The following CSTPP1 variants were observed in gnomAD, a reference collection of about 807,000 sequenced individuals.
The protein encoded by CSTPP1 is UPF0705 protein C11orf49.
At chr11:47,042,220 TAAAG>T in the CSTPP1 span, among the ~76,000 whole-genome samples, 3 of 151,110 alleles carry the variant, frequency 2.0e-5, no homozygotes, top group Non-Finnish European at 2.9e-5. Flanking sequence ...AAAAATAAAA[TAAAG>T]AAAGAGAGGA....
At chr11:47,005,396 A>C in the CSTPP1 span, among the ~76,000 whole-genome samples, 1 of 152,212 alleles carries the variant, frequency 6.6e-6, no homozygotes, top group Non-Finnish European at 1.5e-5. Flanking sequence ...TGTAAGATGT[A>C]ATCTGGTTAA....
At chr11:46,966,822 C>G in the CSTPP1 span, among the ~76,000 whole-genome samples, 1 of 152,114 alleles carries the variant, frequency 6.6e-6, no homozygotes. Context: ...GTAAGTGAAA[C>G]TGGCTGTATT....
the CSTPP1 span, among the ~76,000 whole-genome samples, chr11:47,106,003 A>C: frequency 3.9e-5 from 6 of 152,170 alleles, no homozygotes; most frequent in Non-Finnish European, 7.3e-5. Flanking sequence ...TTGGGGTCAG[A>C]GGGATTAGGC....
At chr11:46,998,730 T>C in the CSTPP1 span, among the ~76,000 whole-genome samples, 1 of 151,920 alleles carries the variant, frequency 6.6e-6, no homozygotes, top group African/African-American at 2.4e-5. Flanking sequence ...TTCAGTTTTT[T>C]TGTTTTGTTT....
At chr11:47,069,070 T>C in the CSTPP1 span, among the ~76,000 whole-genome samples, 1 of 152,194 alleles carries the variant, frequency 6.6e-6, no homozygotes, top group Non-Finnish European at 1.5e-5. Context: ...ATTTTGTTTT[T>C]CTTATAGACT....
the CSTPP1 span, among the ~76,000 whole-genome samples, chr11:47,089,218 G>A: frequency 1.3e-5 from 2 of 152,100 alleles, no homozygotes; most frequent in Non-Finnish European, 2.9e-5. Context: ...CAAAGGGGTC[G>A]ATTAAGTAAA....
At chr11:47,066,947 G>C in the CSTPP1 span, among the ~76,000 whole-genome samples, 1 of 152,154 alleles carries the variant, frequency 6.6e-6, no homozygotes, top group Admixed American at 6.5e-5. Flanking sequence ...CCAGAAACAT[G>C]CCATAGGAAC....
At chr11:47,161,697 T>C in the CSTPP1 span, 1 of 1,537,256 alleles carries the variant, frequency 6.5e-7, no homozygotes, top group East Asian at 2.3e-5. Flanking sequence ...GCCCTTGGTG[T>C]GCCCACCCAG....
the CSTPP1 span, among the ~76,000 whole-genome samples, chr11:46,938,846 C>T: frequency 5.5e-5 from 8 of 144,248 alleles, no homozygotes; most frequent in East Asian, 2.0e-4. Flanking sequence ...GGCACTATCA[C>T]GGCTCACTGC....
At chr11:47,124,114 CTTTTTTTTTTTTTTTT>C in the CSTPP1 span, among the ~76,000 whole-genome samples, 7 of 63,216 alleles carry the variant, frequency 1.1e-4, no homozygotes, top group African/African-American at 4.5e-4. Flanking sequence ...AATGGTCTTA[CTTTTTTTTTTTTTTTT>C]TTTTTTTTTT....
At chr11:47,046,655 CTTTTCTTTTTTT>C in the CSTPP1 span, among the ~76,000 whole-genome samples, 1 of 91,396 alleles carries the variant, frequency 1.1e-5, no homozygotes, top group Non-Finnish European at 2.3e-5. Flanking sequence ...CTTTTATCTT[CTTTTCTTTTTTT>C]TTTTTTTTTT....
the CSTPP1 span, among the ~76,000 whole-genome samples, chr11:47,139,505 C>T: frequency 6.6e-6 from 1 of 152,100 alleles, no homozygotes; most frequent in Admixed American, 6.6e-5. Context: ...GAAACCCTGT[C>T]TCTGCTAAAA....
At chr11:46,948,550 G>T in the CSTPP1 span, among the ~76,000 whole-genome samples, 1 of 151,626 alleles carries the variant, frequency 6.6e-6, no homozygotes, top group African/African-American at 2.4e-5. Flanking sequence ...ACCTCTTTTG[G>T]ACTTAATGAG....
the CSTPP1 span, among the ~76,000 whole-genome samples, chr11:47,051,057 G>A: frequency 6.6e-6 from 1 of 152,192 alleles, no homozygotes; most frequent in African/African-American, 2.4e-5. Context: ...GAAGGGAAAC[G>A]GAATAGATGC....
chr11:46,983,989 CA>C, the CSTPP1 span, among the ~76,000 whole-genome samples: 2 of 152,138 alleles, frequency 1.3e-5, no homozygotes, highest in Non-Finnish European at 2.9e-5. Flanking sequence ...AAGAAACTTT[CA>C]AATTTAGGGA....
At chr11:47,037,965 G>T in the CSTPP1 span, among the ~76,000 whole-genome samples, 1 of 125,672 alleles carries the variant, frequency 8.0e-6, no homozygotes, top group African/African-American at 2.5e-5. Flanking sequence ...AGGGGCGGCC[G>T]GGCAGAGGGC....
the CSTPP1 span, among the ~76,000 whole-genome samples, chr11:47,087,480 C>A: frequency 5.3e-5 from 8 of 152,294 alleles, no homozygotes; most frequent in Admixed American, 4.6e-4. Context: ...GTGGGCAGAT[C>A]ACAAGGTCAG....
At chr11:47,024,365 C>T in the CSTPP1 span, among the ~76,000 whole-genome samples, 1 of 151,820 alleles carries the variant, frequency 6.6e-6, no homozygotes, top group South Asian at 2.1e-4. Context: ...TTCACCCAAT[C>T]TTCTCTCTCT....
chr11:47,080,491 A>ATTATT, the CSTPP1 span, among the ~76,000 whole-genome samples: 2 of 152,120 alleles, frequency 1.3e-5, no homozygotes, highest in African/African-American at 4.8e-5. Context: ...CTTTGCTAAC[A>ATTATT]TTATTTCCAT....
Sources: allele counts gnomAD v4.1 joint callset (sites outside exome capture counted in the v4.1 genomes callset), GRCh38; gene constraint gnomAD v4.1.1; transcripts MANE v1.5; gene names NCBI Gene and HGNC (gene_info 2026-07-23, HGNC 2026-07-21).